The following CCDC7 variants were observed in gnomAD, a reference collection of about 807,000 sequenced individuals.
The protein encoded by CCDC7 is coiled-coil domain containing 7.
In CCDC7, 183 loss-of-function variants were observed where a neutral mutation model predicts 196.9. That is an observed-to-expected ratio of 0.93 (90% CI 0.82 to 1.05). CCDC7 has a LOEUF of 1.05. Among genes scored for constraint, CCDC7 ranks in the 50% least tolerant of loss-of-function variants. CCDC7 has a pLI of 0.00. For missense variants in CCDC7, 1,540 were observed against 1,482.2 expected (o/e 1.04, Z -0.64); for synonymous variants, 525 against 484.6 (o/e 1.08, Z -1.10).
At chr10:32,632,463 TATAA>T (rs2065011461) in intron 18 of CCDC7, among the ~76,000 whole-genome samples, 1 of 151,414 alleles carries the variant, frequency 6.6e-6, no homozygotes, top group Non-Finnish European at 1.5e-5. Flanking sequence ...CTTTTATTTA[TATAA>T]ATAAATATAT....
intron 16 of CCDC7, among the ~76,000 whole-genome samples, chr10:32,580,576 G>T (rs2058642576): frequency 6.6e-6 from 1 of 151,918 alleles, no homozygotes; most frequent in African/African-American, 2.4e-5. Context: ...AGTTTGTACT[G>T]TATTACAAAC....
chr10:32,566,178 G>C, intron 14 of CCDC7, among the ~76,000 whole-genome samples: 1 of 152,180 alleles, frequency 6.6e-6, no homozygotes, highest in East Asian at 1.9e-4. Flanking sequence ...GTTGTATGCT[G>C]AAATGAGCAA....
In CCDC7 at chr10:32,736,859, C is replaced by T. The variant is rs1224373301; in HGVS notation, c.2905+7402C>T. Among the ~76,000 whole-genome samples, 3 of 151,872 alleles carry T rather than the reference C, an allele frequency of 2.0e-5. No homozygotes were observed. The East Asian group carries it at 5.8e-4, about 29-fold the overall frequency. Reference sequence around the variant, plus strand: ...TTTTATATTTATTTTATTCTCTTTTCTTGTCTTACTGCATTAGTTAGGACT... The same window carrying T: ...TTTTATATTTATTTTATTCTCTTTTTTTGTCTTACTGCATTAGTTAGGACT... On this transcript the variant is annotated intron_variant, in intron 28 of 41. Coordinates refer to ENST00000639629, the Ensembl canonical transcript of CCDC7.
chr10:32,667,728 A>G (rs2073110973), intron 21 of CCDC7, among the ~76,000 whole-genome samples: 1 of 152,066 alleles, frequency 6.6e-6, no homozygotes, highest in South Asian at 2.1e-4. Flanking sequence ...ATTGGTCCAT[A>G]TCTCTGTTTT....
chr10:32,585,298 C>G (rs892468670), intron 18 of CCDC7, among the ~76,000 whole-genome samples: 5 of 152,182 alleles, frequency 3.3e-5, no homozygotes, highest in African/African-American at 1.2e-4. Context: ...TGGTCTCGAT[C>G]TCCTGACCTT....
At chr10:32,786,933 T>C (rs1390844994) in intron 29 of CCDC7, among the ~76,000 whole-genome samples, 10 of 151,972 alleles carry the variant, frequency 6.6e-5, no homozygotes, top group Admixed American at 6.6e-4. Flanking sequence ...TTGAAATAAA[T>C]AATTTATAGA....
intron 24 of CCDC7, among the ~76,000 whole-genome samples, chr10:32,706,254 A>G (rs1409248726): frequency 6.6e-6 from 1 of 152,132 alleles, no homozygotes; most frequent in Non-Finnish European, 1.5e-5. Flanking sequence ...AGAAATAAAT[A>G]TGTTCTTTGA....
chr10:32,494,497 C>T (rs1288291031), intron 9 of CCDC7, among the ~76,000 whole-genome samples: 3 of 151,878 alleles, frequency 2.0e-5, no homozygotes, highest in East Asian at 3.9e-4. Flanking sequence ...CTGCACCCAT[C>T]AACCTGTCAT....
intron 18 of CCDC7, among the ~76,000 whole-genome samples, chr10:32,615,361 A>G (rs2062664106): frequency 1.3e-5 from 2 of 152,078 alleles, no homozygotes; most frequent in Non-Finnish European, 2.9e-5. Flanking sequence ...CTTTTTAATA[A>G]CAGCCATTCT....
chr10:32,757,218 C>T (rs2076611858), intron 28 of CCDC7, among the ~76,000 whole-genome samples: 1 of 152,074 alleles, frequency 6.6e-6, no homozygotes, highest in African/African-American at 2.4e-5. Flanking sequence ...ACAAGGATAT[C>T]CAGGAATTGA....
At chr10:32,691,870 G>A (rs535052170) in intron 23 of CCDC7, among the ~76,000 whole-genome samples, 10 of 152,314 alleles carry the variant, frequency 6.6e-5, no homozygotes, top group Admixed American at 6.5e-4. Context: ...TCCTGTCAGA[G>A]CCAAAAATAG....
intron 20 of CCDC7, among the ~76,000 whole-genome samples, chr10:32,642,378 G>A (rs143713808): frequency 0.053 from 8,109 of 152,240 alleles, 719 homozygotes; most frequent in African/African-American, 0.18. Context: ...CCTGGCTGCC[G>A]CCTTGCAGTT....
intron 9 of CCDC7, among the ~76,000 whole-genome samples, chr10:32,511,104 T>C (rs1163632594): frequency 6.6e-6 from 1 of 151,872 alleles, no homozygotes; most frequent in Non-Finnish European, 1.5e-5. Flanking sequence ...ATTATAAATA[T>C]ATAATATATC....
intron 24 of CCDC7, among the ~76,000 whole-genome samples, chr10:32,698,577 T>C (rs976658249): frequency 6.6e-6 from 1 of 152,050 alleles, no homozygotes; most frequent in Admixed American, 6.5e-5. Context: ...CAGTAGCCAA[T>C]TCAGTCAAGT....
intron 18 of CCDC7, among the ~76,000 whole-genome samples, chr10:32,602,160 A>G (rs574667216): frequency 6.6e-6 from 1 of 152,070 alleles, no homozygotes. Context: ...CCACAAACCC[A>G]CTGGAAGGAA....
intron 16 of CCDC7, among the ~76,000 whole-genome samples, chr10:32,573,658 G>T (rs2057852015): frequency 6.6e-6 from 1 of 152,026 alleles, no homozygotes; most frequent in Admixed American, 6.6e-5. Flanking sequence ...GAGGATGATG[G>T]GGAATATAGT....
Position 32,834,847 on chromosome 10 carries a change from G to T in CCDC7, c.3301G>T (p.Gly1101Ter). ...CTTAAAACACTTGAAAGGTGTTAATGGAAAAGATATAATAAAGCATCTAAT... is the reference window on the plus strand; with the variant it reads ...CTTAAAACACTTGAAAGGTGTTAATTGAAAAGATATAATAAAGCATCTAAT... The change falls in exon 33 of 42, where the codon GGA (glycine) becomes TGA (stop). Residue 1101 changes from glycine to a stop codon, truncating the protein, a stop_gained. Coordinates refer to ENST00000639629, the Ensembl canonical transcript of CCDC7. LOFTEE classifies it high-confidence loss of function. The T allele has an allele frequency of 6.8e-7, 1 of 1,469,700 alleles. No homozygotes were observed. The highest frequency in any genetic ancestry group is 9.5e-7 in the Non-Finnish European group (1 of 1,056,056). 91.0% of individuals were successfully genotyped at this position (1,469,700 alleles called of 1,614,324 possible).
chr10:32,548,127 A>C (rs909475178), intron 13 of CCDC7, among the ~76,000 whole-genome samples: 3 of 152,200 alleles, frequency 2.0e-5, no homozygotes, highest in Non-Finnish European at 4.4e-5. Context: ...GAAGGGTGTG[A>C]CTTGCGGATG....
chr10:32,554,955 G>GAGAAC (rs1345170132), intron 13 of CCDC7, among the ~76,000 whole-genome samples: 17 of 152,304 alleles, frequency 1.1e-4, no homozygotes, highest in African/African-American at 3.8e-4. Flanking sequence ...GAGAACATGT[G>GAGAAC]AAGTTTGTCT....
Sources: gnomAD v4.1 joint callset for allele counts (sites outside exome capture counted in the v4.1 genomes callset) on GRCh38, gnomAD v4.1.1 for gene constraint, MANE v1.5 for transcripts, NCBI Gene and HGNC (gene_info 2026-07-23, HGNC 2026-07-21) for gene names.